Variants in COMMD10 observed in about 807,000 individuals in gnomAD.
The protein encoded by COMMD10 is COMM domain-containing protein 10.
Under a neutral mutation model 28.9 loss-of-function variants are expected in COMMD10, and 33 were observed. The ratio of observed to expected loss-of-function variants is 1.14; its 90% confidence interval spans 0.87 to 1.53. COMMD10 has a LOEUF of 1.53. Ranked by LOEUF, COMMD10 falls within the 40% of genes most tolerant of loss-of-function variation. COMMD10 has a pLI of 0.00. For missense variants in COMMD10, 310 were observed against 233.4 expected, an observed-to-expected ratio of 1.33 and a Z score of -2.14; for synonymous variants, 110 against 81.7, an observed-to-expected ratio of 1.35 and a Z score of -1.87.
chr5:116,254,123 TC>T (rs1750206653), intron 5 of COMMD10, among the ~76,000 whole-genome samples: 1 of 152,034 alleles, frequency 6.6e-6, no homozygotes, highest in South Asian at 2.1e-4. Context: ...AGTTTGTATT[TC>T]TGTGGGATCG....
chr5:116,282,502 G>A (rs1751098561), intron 5 of COMMD10, among the ~76,000 whole-genome samples: 2 of 151,780 alleles, frequency 1.3e-5, no homozygotes, highest in South Asian at 2.1e-4. Context: ...TTGCTCTTAT[G>A]ATAAAGATCT....
At chr5:116,223,270 A>G (rs1749311229) in intron 5 of COMMD10, among the ~76,000 whole-genome samples, 1 of 152,094 alleles carries the variant, frequency 6.6e-6, no homozygotes, top group South Asian at 2.1e-4. Flanking sequence ...GAAAAGTCAG[A>G]GGATTTTTAT....
intron 5 of COMMD10, among the ~76,000 whole-genome samples, chr5:116,231,465 T>C (rs1749527372): frequency 1.3e-5 from 2 of 152,148 alleles, no homozygotes; most frequent in Admixed American, 6.6e-5. Flanking sequence ...AGGTAATGTA[T>C]TTATTCAGCG....
At position 116,135,840 on chromosome 5, in the gene COMMD10, G is replaced by T. The variant is rs541951777; in HGVS notation, c.510+1662G>T. Among the ~76,000 whole-genome samples, 24 of 152,222 alleles carry T rather than the reference G, an allele frequency of 1.6e-4. No individual in the cohort carries two copies. In the East Asian group the frequency reaches 4.6e-3, roughly 29 times the overall value. Reference sequence around the variant, plus strand: ...ATGCATCCCCCCACAGTGGGCAGGGGGACTACTGTGTGCTCTGCAGTTTAG... The same window carrying T: ...ATGCATCCCCCCACAGTGGGCAGGGTGACTACTGTGTGCTCTGCAGTTTAG... On this transcript the variant is annotated intron_variant, in intron 5 of 6. Coordinates refer to ENST00000274458, the MANE Select transcript of COMMD10 (RefSeq NM_016144.4).
chr5:116,238,068 A>G lies in COMMD10; in HGVS notation c.511-53449A>G, dbSNP rs1429068731. Among the ~76,000 whole-genome samples, 2 of 152,214 alleles carry G rather than the reference A, an allele frequency of 1.3e-5. 1 individual carries two copies. Among genetic ancestry groups the G allele is most frequent in the Non-Finnish European group, 2.9e-5 (2 of 68,030 alleles). ...CAATATGGCTCATGTTGCACAAAAA[A>G]CAAGGTCTGAAAATAGTAATGCCCT... On this transcript the variant is annotated intron_variant, in intron 5 of 6. Transcript: ENST00000274458.
Position 116,288,597 on chromosome 5 carries a change from T to C in COMMD10, c.511-2920T>C, listed in dbSNP as rs149106470. On this transcript the variant is annotated intron_variant, in intron 5 of 6. Transcript: ENST00000274458. ...CATGCATATATGGACCTGGTTGATA[T>C]TGTCCTAAATCCCTTATCATCTCTT... Among the ~76,000 whole-genome samples the C allele has an allele frequency of 9.2e-5, 14 of 151,904 alleles. No individual in the cohort carries two copies. In the East Asian group the frequency reaches 2.3e-3, roughly 25 times the overall value.
intron 2 of COMMD10, among the ~76,000 whole-genome samples, chr5:116,090,030 A>G (rs887847984): frequency 6.6e-6 from 1 of 152,102 alleles, no homozygotes; most frequent in African/African-American, 2.4e-5. Context: ...AGGTTTAGGG[A>G]TTTTGTTGCC....
At chr5:116,105,432 G>A (rs1393263209) in intron 4 of COMMD10, among the ~76,000 whole-genome samples, 2 of 152,076 alleles carry the variant, frequency 1.3e-5, no homozygotes, top group African/African-American at 2.4e-5. Context: ...TTTTTGTTGT[G>A]TCTCTGCCAG....
At chr5:116,282,950 T>C (rs534460335) in intron 5 of COMMD10, among the ~76,000 whole-genome samples, 283 of 152,056 alleles carry the variant, frequency 1.9e-3, no homozygotes, top group Non-Finnish European at 3.5e-3. Flanking sequence ...GGAATAAACA[T>C]GTACACATAG....
At chr5:116,149,882 T>G (rs866369923) in intron 5 of COMMD10, among the ~76,000 whole-genome samples, 69 of 151,584 alleles carry the variant, frequency 4.6e-4, no homozygotes, top group African/African-American at 1.6e-3. Flanking sequence ...TTGTCAATTT[T>G]GTCTTTTGTT....
intron 5 of COMMD10, among the ~76,000 whole-genome samples, chr5:116,215,698 AT>A (rs1216637503): frequency 4.1e-4 from 1 of 2,444 alleles, no homozygotes; most frequent in Non-Finnish European, 5.6e-4. Flanking sequence ...AAAAAGAAAT[AT>A]ATATATATAT....
chr5:116,118,399 G>A (rs918793127), intron 4 of COMMD10, among the ~76,000 whole-genome samples: 17 of 152,156 alleles, frequency 1.1e-4, no homozygotes, highest in African/African-American at 3.6e-4. Context: ...GTCTTTGGGA[G>A]ATAGTAGAGT....
At chr5:116,110,115 T>G (rs4921062) in intron 4 of COMMD10, among the ~76,000 whole-genome samples, 1 of 151,976 alleles carries the variant, frequency 6.6e-6, no homozygotes, top group Non-Finnish European at 1.5e-5. Flanking sequence ...TATTTCTCAG[T>G]CTATTGGTTT....
intron 5 of COMMD10, among the ~76,000 whole-genome samples, chr5:116,192,159 C>G (rs1748387643): frequency 1.3e-5 from 2 of 152,026 alleles, no homozygotes; most frequent in Admixed American, 1.3e-4. Context: ...AGAATCTGAA[C>G]AACAGCCTTC....
intron 5 of COMMD10, among the ~76,000 whole-genome samples, chr5:116,151,658 G>A (rs1451639571): frequency 1.3e-5 from 2 of 152,130 alleles, no homozygotes; most frequent in East Asian, 3.9e-4. Context: ...GGTGTTCGTA[G>A]TATTCTCTGA....
intron 5 of COMMD10, among the ~76,000 whole-genome samples, chr5:116,134,882 A>G (rs1424861720): frequency 6.6e-6 from 1 of 151,996 alleles, no homozygotes; most frequent in Non-Finnish European, 1.5e-5. Context: ...CAGCCTCCCA[A>G]AGTGCTGGGA....
rs146646074 is a variant in COMMD10, at chr5:116,160,808, G to C, written c.510+26630G>C. Among the ~76,000 whole-genome samples the C allele has an allele frequency of 3.5e-4, 54 of 152,258 alleles. No homozygotes were observed. In the East Asian group the frequency reaches 8.9e-3, roughly 25 times the overall value. ...ATGAAAGTAGGAAGAGGATGTAGGA[G>C]AATGTTTCAGGTTCTGTTTTCTGCC... On this transcript the variant is annotated intron_variant, in intron 5 of 6. Coordinates refer to ENST00000274458, the MANE Select transcript of COMMD10 (RefSeq NM_016144.4).
chr5:116,102,990 C>T (rs1175123099), intron 4 of COMMD10, among the ~76,000 whole-genome samples: 2 of 152,190 alleles, frequency 1.3e-5, no homozygotes, highest in Non-Finnish European at 2.9e-5. Context: ...CTGCAAAGGA[C>T]ATGAACTCAT....
chr5:116,213,180 A>G (rs1169938814), intron 5 of COMMD10, among the ~76,000 whole-genome samples: 1 of 152,134 alleles, frequency 6.6e-6, no homozygotes, highest in Non-Finnish European at 1.5e-5. Context: ...CTTTTTAATT[A>G]TGAGAAGTTC....
Sources: allele counts gnomAD v4.1 joint callset (sites outside exome capture counted in the v4.1 genomes callset), GRCh38; gene constraint gnomAD v4.1.1; transcripts MANE v1.5; gene names NCBI Gene and HGNC (gene_info 2026-07-23, HGNC 2026-07-21).